Variants in ITPR1 observed in about 807,000 individuals in gnomAD.
ITPR1 encodes inositol 1,4,5-trisphosphate receptor type 1, also known as inositol 1,4,5-trisphosphate-gated calcium channel ITPR1.
ITPR1 carries 96 observed loss-of-function variants against 318.4 expected under a neutral mutation model. The ratio of observed to expected loss-of-function variants is 0.30; its 90% CI spans 0.26 to 0.36. The LOEUF (loss-of-function observed/expected upper bound fraction) is 0.36. Ranked by LOEUF, ITPR1 falls within the 10% of genes least tolerant of loss-of-function variation. The pLI is 1.00. For missense variants in ITPR1, 2,440 were observed against 3,460.2 expected (o/e 0.71, Z 7.40); for synonymous variants, 1,312 against 1,289.9 (o/e 1.02, Z -0.37).
At chr3:4,558,838 T>A (rs1203930254) in intron 4 of ITPR1, among the ~76,000 whole-genome samples, 2 of 151,854 alleles carry the variant, frequency 1.3e-5, no homozygotes, top group Non-Finnish European at 2.9e-5. Context: ...TTTTTCTTTT[T>A]TTTTTGCTGG....
chr3:4,815,307 G>A, intron 59 of ITPR1, 89 bp downstream of exon 59: 1 of 1,316,524 alleles, frequency 7.6e-7, no homozygotes, highest in Non-Finnish European at 1.1e-6. Context: ...TGGGCGGGGT[G>A]CCTGCCCAGT....
intron 39 of ITPR1, among the ~76,000 whole-genome samples, chr3:4,716,345 G>A (rs1011346973): frequency 2.0e-5 from 3 of 152,088 alleles, no homozygotes; most frequent in Non-Finnish European, 2.9e-5. Context: ...TTAATAACTG[G>A]TTTTGTTTAC....
Position 4,513,224 on chromosome 3 carries a change from C to T in ITPR1, c.-16-3252C>T, listed in dbSNP as rs549476809. Among the ~76,000 whole-genome samples the T allele has an allele frequency of 4.6e-5, 7 of 152,350 alleles. No individual in the cohort carries two copies. In the East Asian group the frequency reaches 1.2e-3, roughly 25 times the overall value. On this transcript the variant is annotated intron_variant, in intron 2 of 61. Coordinates refer to ENST00000649015, the MANE Select transcript of ITPR1 (RefSeq NM_001378452.1). The stretch of plus-strand genomic sequence containing the variant: ...GACTTTCCACCTCCACCCCTCCACA[C>T]CACAGAGGCCTGTTCTGTTGACTTT...
intron 44 of ITPR1, among the ~76,000 whole-genome samples, chr3:4,763,401 A>G (rs1026868354): frequency 6.6e-6 from 1 of 152,212 alleles, no homozygotes; most frequent in Admixed American, 6.5e-5. Context: ...GAATAAAAAA[A>G]AAAGAAATGT....
chr3:4,636,086 C>G (rs945440597), intron 5 of ITPR1, among the ~76,000 whole-genome samples: 1 of 151,292 alleles, frequency 6.6e-6, no homozygotes, highest in Non-Finnish European at 1.5e-5. Flanking sequence ...TCTCGAACTC[C>G]CGACCTCACG....
intron 39 of ITPR1, among the ~76,000 whole-genome samples, chr3:4,716,798 T>C (rs749610495): frequency 5.3e-5 from 8 of 152,212 alleles, no homozygotes; most frequent in Non-Finnish European, 2.9e-5. Context: ...GTCACTAATA[T>C]CACTTGAGTT....
In ITPR1 at chr3:4,815,227, C is replaced by T. The variant is rs371179565; in HGVS notation, c.7867+9C>T. 9.7e-5 allele frequency: 157 copies of T among 1,613,112 alleles called. No individual in the cohort carries two copies. The highest frequency in any genetic ancestry group is 6.6e-4 in the Middle Eastern group (4 of 6,084). On this transcript the variant is annotated intron_variant, in intron 59 of 61. Coordinates refer to ENST00000649015, the MANE Select transcript of ITPR1 (RefSeq NM_001378452.1). ...CACGTGCTTTATCTGTGGTGAGTGTCGCTGGCCAGCTCCAGCAAGGGCGTG... is the reference window on the plus strand; with the variant it reads ...CACGTGCTTTATCTGTGGTGAGTGTTGCTGGCCAGCTCCAGCAAGGGCGTG...
intron 4 of ITPR1, among the ~76,000 whole-genome samples, chr3:4,624,481 C>T (rs940737850): frequency 1.3e-5 from 2 of 152,042 alleles, no homozygotes; most frequent in Non-Finnish European, 2.9e-5. Flanking sequence ...CCAGCCTGGC[C>T]AACATGGTGA....
rs370669385 is a variant in ITPR1 at position 4,707,883 on chromosome 3, A to G, written c.4842+1532A>G. 7.9e-5 allele frequency among the ~76,000 whole-genome samples: 12 copies of G among 152,352 alleles called. No individual in the cohort carries two copies. The East Asian group carries it at 9.6e-4, about 12-fold the overall frequency. On this transcript the variant is annotated intron_variant, in intron 37 of 61. Transcript: ENST00000649015. ...ATTCGTTAAATCATTCATCAGCTCCATGCTAGGCTCTGGGGATACAGTGGT... is the reference window on the plus strand; with the variant it reads ...ATTCGTTAAATCATTCATCAGCTCCGTGCTAGGCTCTGGGGATACAGTGGT...
intron 60 of ITPR1, among the ~76,000 whole-genome samples, chr3:4,829,819 G>C (rs2050325237): frequency 6.6e-6 from 1 of 151,790 alleles, no homozygotes; most frequent in Non-Finnish European, 1.5e-5. Flanking sequence ...AATAGTTTCT[G>C]CTCTAAAAAT....
chr3:4,652,325 C>T, intron 11 of ITPR1, 107 bp downstream of exon 11: 2 of 763,024 alleles, frequency 2.6e-6, no homozygotes, highest in East Asian at 2.7e-5. Context: ...GAAATACACT[C>T]AGTCACCTTG....
At chr3:4,644,799 T>A (rs1052045903) in intron 8 of ITPR1, among the ~76,000 whole-genome samples, 5 of 152,152 alleles carry the variant, frequency 3.3e-5, no homozygotes, top group Non-Finnish European at 7.3e-5. Context: ...CTTTCCAAGC[T>A]CTGTGACGGC....
At chr3:4,689,358 G>A (rs573939154) in intron 31 of ITPR1, among the ~76,000 whole-genome samples, 30 of 152,302 alleles carry the variant, frequency 2.0e-4, no homozygotes, top group Non-Finnish European at 2.9e-4. Flanking sequence ...TCCAGAAAAA[G>A]GATTGCTGGA....
intron 17 of ITPR1, among the ~76,000 whole-genome samples, chr3:4,666,352 T>C (rs1024210915): frequency 6.6e-6 from 1 of 152,300 alleles, no homozygotes; most frequent in African/African-American, 2.4e-5. Context: ...TAAATCCACC[T>C]TCAGTGCGTT....
intron 59 of ITPR1, chr3:4,816,172 C>G (rs1379717800): frequency 1.3e-5 from 2 of 152,138 alleles, no homozygotes; most frequent in African/African-American, 4.8e-5. Context: ...CATCTACAGA[C>G]CTTATTCAAA....
intron 33 of ITPR1, among the ~76,000 whole-genome samples, chr3:4,696,598 C>T (rs983362795): frequency 1.3e-5 from 2 of 151,016 alleles, no homozygotes; most frequent in African/African-American, 4.9e-5. Flanking sequence ...TGTATAGACA[C>T]ATGTTTTCAT....
intron 4 of ITPR1, among the ~76,000 whole-genome samples, chr3:4,605,074 C>T (rs1001527669): frequency 6.6e-6 from 1 of 152,088 alleles, no homozygotes; most frequent in African/African-American, 2.4e-5. Flanking sequence ...CAGGCTCAAG[C>T]AATTCTCCTG....
chr3:4,685,230 A>T, intron 30 of ITPR1, 24 bp downstream of exon 30: 1 of 1,579,582 alleles, frequency 6.3e-7, no homozygotes, highest in Non-Finnish European at 8.6e-7. Flanking sequence ...CATGCACAGC[A>T]GCTGCTCTCA....
chr3:4,603,916 A>G (rs980403357), intron 4 of ITPR1, among the ~76,000 whole-genome samples: 1 of 152,218 alleles, frequency 6.6e-6, no homozygotes, highest in East Asian at 1.9e-4. Context: ...AGAAATCTCC[A>G]AACTGCTGAA....
Sources: gnomAD v4.1 joint callset for allele counts (sites outside exome capture counted in the v4.1 genomes callset) on GRCh38, gnomAD v4.1.1 for gene constraint, MANE v1.5 for transcripts, NCBI Gene and HGNC (gene_info 2026-07-23, HGNC 2026-07-21) for gene names.